Variants in PTDSS1 observed in about 807,000 individuals in gnomAD.
PTDSS1 encodes PSS-1.
A neutral mutation model predicts 70.5 loss-of-function variants in PTDSS1; 45 were observed. The observed-to-expected ratio is 0.64, with a 90% CI of 0.50 to 0.82. The LOEUF is 0.82. PTDSS1 is among the 40% of genes least tolerant of loss of function. The probability of loss-of-function intolerance (pLI) is 0.00; values close to 1 mark genes in which losing one functional copy is unlikely to be tolerated. For synonymous variants in PTDSS1, 188 were observed against 203.8 expected (o/e 0.92, Z 0.66); for missense variants, 417 against 586.1 (o/e 0.71, Z 2.98).
In PTDSS1 at chr8:96,331,112, C is replaced by T. The variant is rs201973298; in HGVS notation, c.1312+17C>T. The T allele has an allele frequency of 6.3e-3, 9,216 of 1,454,398 alleles. 35 individuals carry two copies. Among genetic ancestry groups the T allele is most frequent in the Non-Finnish European group, 8.1e-3 (8,398 of 1,038,702 alleles). 90.1% of individuals were successfully genotyped at this position (1,454,398 alleles called of 1,614,324 possible). On this transcript the variant is annotated intron_variant, in intron 12 of 12. Transcript: ENST00000517309. ...GGACAAAAGGTATCTTGTTCTTGTTCGTTGTTTAAAATTTTACTGGGTCCT... is the reference window on the plus strand; with the variant it reads ...GGACAAAAGGTATCTTGTTCTTGTTTGTTGTTTAAAATTTTACTGGGTCCT...
intron 9 of PTDSS1, among the ~76,000 whole-genome samples, chr8:96,310,888 C>T (rs867016607): frequency 2.6e-4 from 40 of 152,134 alleles, no homozygotes; most frequent in African/African-American, 9.2e-4. Flanking sequence ...GCCTCAGTCC[C>T]CCAAGTAGCT....
chr8:96,283,335 C>A (rs1003223752), intron 2 of PTDSS1, among the ~76,000 whole-genome samples: 2 of 152,206 alleles, frequency 1.3e-5, no homozygotes, highest in Admixed American at 1.3e-4. Context: ...CAGGTACTCA[C>A]CAGAATGGTG....
intron 7 of PTDSS1, 104 bp from the exon 8 acceptor site, chr8:96,306,340 T>A (rs1811123855): frequency 1.2e-6 from 1 of 866,308 alleles, no homozygotes; most frequent in Non-Finnish European, 1.9e-6. Context: ...TGAAAATGCT[T>A]TGAACATACC....
chr8:96,324,690 A>C (rs1258273890), intron 10 of PTDSS1, among the ~76,000 whole-genome samples: 2 of 151,850 alleles, frequency 1.3e-5, no homozygotes, highest in African/African-American at 4.8e-5. Context: ...ATGACCTATC[A>C]CCTCTTAAAG....
chr8:96,291,493 A>G (rs1810903221), intron 4 of PTDSS1, among the ~76,000 whole-genome samples: 1 of 150,768 alleles, frequency 6.6e-6, no homozygotes, highest in Non-Finnish European at 1.5e-5. Context: ...AACAGTGAAC[A>G]GTACGCAGTG....
At chr8:96,307,930 C>T (rs1002712073) in intron 8 of PTDSS1, among the ~76,000 whole-genome samples, 28 of 152,142 alleles carry the variant, frequency 1.8e-4, no homozygotes, top group African/African-American at 6.5e-4. Flanking sequence ...TTACAATGCC[C>T]TATGGATTTC....
intron 4 of PTDSS1, among the ~76,000 whole-genome samples, chr8:96,290,035 A>T (rs1366189940): frequency 6.6e-6 from 1 of 152,126 alleles, no homozygotes; most frequent in Non-Finnish European, 1.5e-5. Context: ...TATATTCTAC[A>T]TAAGCCTCGT....
intron 12 of PTDSS1, among the ~76,000 whole-genome samples, chr8:96,332,409 C>T (rs1379959545): frequency 6.6e-6 from 1 of 152,200 alleles, no homozygotes; most frequent in Admixed American, 6.5e-5. Context: ...CAGTCATTCT[C>T]CTAAGTTCTT....
chr8:96,306,933 A>C (rs1265890612), intron 8 of PTDSS1, among the ~76,000 whole-genome samples: 1 of 152,238 alleles, frequency 6.6e-6, no homozygotes, highest in Non-Finnish European at 1.5e-5. Context: ...GGTAGAACTG[A>C]AGTCATAAAT....
chr8:96,288,279 A>AT (rs1810851267), intron 4 of PTDSS1, among the ~76,000 whole-genome samples: 1 of 151,844 alleles, frequency 6.6e-6, no homozygotes, highest in South Asian at 2.1e-4. Context: ...TAACCTGGAA[A>AT]CTCTGAACCC....
chr8:96,285,363 G>A (rs532329009), intron 3 of PTDSS1, among the ~76,000 whole-genome samples: 2 of 152,304 alleles, frequency 1.3e-5, no homozygotes, highest in South Asian at 4.1e-4. Context: ...AGAAGTCAGA[G>A]AGTCATCGGG....
chr8:96,284,472 AG>A (rs558851318), intron 3 of PTDSS1, among the ~76,000 whole-genome samples: 11 of 152,198 alleles, frequency 7.2e-5, no homozygotes, highest in Non-Finnish European at 1.6e-4. Context: ...GCTTTTTACT[AG>A]TGCAAGCCCA....
chr8:96,330,912 C>T (rs1376148808), intron 11 of PTDSS1, 114 bp from the exon 12 acceptor site: 2 of 822,532 alleles, frequency 2.4e-6, no homozygotes, highest in Non-Finnish European at 4.0e-6. Context: ...TGTCACTTGC[C>T]AGTGATGATC....
intron 1 of PTDSS1, among the ~76,000 whole-genome samples, chr8:96,265,539 C>G (rs926202422): frequency 6.6e-6 from 1 of 152,064 alleles, no homozygotes; most frequent in Non-Finnish European, 1.5e-5. Context: ...TTTGAAAAAG[C>G]TCATTTCCAG....
intron 4 of PTDSS1, among the ~76,000 whole-genome samples, chr8:96,292,289 C>CAAAAA (rs34282078): frequency 1.9e-3 from 160 of 85,998 alleles, no homozygotes; most frequent in East Asian, 4.2e-3. Flanking sequence ...AACGCTGTCT[C>CAAAAA]AAAAAAAAAA....
At chr8:96,332,693 A>G (rs1379673458) in intron 12 of PTDSS1, among the ~76,000 whole-genome samples, 2 of 152,218 alleles carry the variant, frequency 1.3e-5, no homozygotes, top group Non-Finnish European at 2.9e-5. Flanking sequence ...ATAAAAAAAG[A>G]AAAATAACAA....
intron 8 of PTDSS1, among the ~76,000 whole-genome samples, chr8:96,309,067 C>T (rs556731155): frequency 1.3e-5 from 2 of 152,290 alleles, no homozygotes; most frequent in African/African-American, 4.8e-5. Context: ...CAGTACTGCT[C>T]ACTCTCTGGA....
At chr8:96,269,495 T>C (rs1810532299) in intron 1 of PTDSS1, among the ~76,000 whole-genome samples, 3 of 152,188 alleles carry the variant, frequency 2.0e-5, no homozygotes, top group Non-Finnish European at 4.4e-5. Context: ...TTCATATTTG[T>C]TGTTGCTGTG....
At chr8:96,291,756 A>G (rs774026943) in intron 4 of PTDSS1, among the ~76,000 whole-genome samples, 1 of 152,056 alleles carries the variant, frequency 6.6e-6, no homozygotes, top group Non-Finnish European at 1.5e-5. Context: ...TTGTCCCCCT[A>G]TATCTTCTAT....
Sources: allele counts gnomAD v4.1 joint callset (sites outside exome capture counted in the v4.1 genomes callset), GRCh38; gene constraint gnomAD v4.1.1; transcripts MANE v1.5; gene names NCBI Gene and HGNC (gene_info 2026-07-23, HGNC 2026-07-21).